The following CNTN4 variants were observed in gnomAD, a reference collection of about 807,000 sequenced individuals.
CNTN4 encodes contactin 4.
In CNTN4, 77 loss-of-function variants were observed where a neutral mutation model predicts 122.5. The observed-to-expected ratio is 0.63, with a 90% CI of 0.52 to 0.76. The LOEUF is 0.76. Among genes scored for constraint, CNTN4 ranks in the 30% least tolerant of loss-of-function variants. The probability of loss-of-function intolerance (pLI) is 0.00; values close to 1 mark genes in which losing one functional copy is unlikely to be tolerated. For missense variants in CNTN4, 1,256 were observed against 1,259.1 expected (o/e 1.00, Z 0.04); for synonymous variants, 512 against 447.0 (o/e 1.15, Z -1.83).
chr3:2,616,304 G>T (rs2081735118), intron 4 of CNTN4, among the ~76,000 whole-genome samples: 1 of 152,116 alleles, frequency 6.6e-6, no homozygotes, highest in Non-Finnish European at 1.5e-5. Flanking sequence ...CTTCATCCAT[G>T]ATCTCATTCC....
chr3:2,609,863 T>G (rs74545362), intron 4 of CNTN4, among the ~76,000 whole-genome samples: 6 of 152,202 alleles, frequency 3.9e-5, no homozygotes, highest in African/African-American at 7.2e-5. Context: ...CAACTTTATA[T>G]GTAGCACTTG....
chr3:2,941,053 T>G (rs1208035535), intron 13 of CNTN4, among the ~76,000 whole-genome samples: 1 of 152,202 alleles, frequency 6.6e-6, no homozygotes, highest in East Asian at 1.9e-4. Flanking sequence ...GCTCTTAATA[T>G]CAGGAAAGAT....
rs181219590 is a variant in CNTN4 at position 2,917,255 on chromosome 3, A to C, written c.1208-8374A>C. ...CAGTGAGCCGAGATGGCAGCAGCAC[A>C]GTCCAGCTTCGGCATCAGAGGGAGA... is the stretch of plus-strand genomic sequence containing the variant. On this transcript the variant is annotated intron_variant, in intron 12 of 24. Transcript: ENST00000418658. Among the ~76,000 whole-genome samples the C allele has an allele frequency of 4.2e-3, 642 of 151,984 alleles. 1 individual carries two copies. The highest frequency in any genetic ancestry group is 7.2e-3 in the Non-Finnish European group (492 of 67,990).
At chr3:2,748,652 C>A (rs1452048775) in intron 6 of CNTN4, among the ~76,000 whole-genome samples, 2 of 152,262 alleles carry the variant, frequency 1.3e-5, no homozygotes, top group African/African-American at 4.8e-5. Flanking sequence ...CCAATTTCAT[C>A]CACGTGTTTT....
At chr3:2,485,796 C>A (rs911970378) in intron 3 of CNTN4, among the ~76,000 whole-genome samples, 3 of 152,088 alleles carry the variant, frequency 2.0e-5, no homozygotes, top group African/African-American at 7.2e-5. Context: ...ACTTGGAGAA[C>A]TTTTGTGTCT....
intron 3 of CNTN4, among the ~76,000 whole-genome samples, chr3:2,488,226 A>G (rs1024622040): frequency 2.0e-5 from 3 of 152,256 alleles, no homozygotes; most frequent in African/African-American, 7.2e-5. Flanking sequence ...GTTTGCTAGG[A>G]AAATGTACAG....
chr3:2,240,338 G>A, intron 2 of CNTN4, among the ~76,000 whole-genome samples: 1 of 152,058 alleles, frequency 6.6e-6, no homozygotes, highest in Non-Finnish European at 1.5e-5. Flanking sequence ...TAAGGGGAAA[G>A]ATCCATTGAA....
At chr3:2,412,702 CT>C (rs966704798) in intron 3 of CNTN4, among the ~76,000 whole-genome samples, 23 of 147,444 alleles carry the variant, frequency 1.6e-4, no homozygotes, top group African/African-American at 4.0e-4. Flanking sequence ...AATAACAGGG[CT>C]TTTTTTTTTC....
chr3:2,953,244 C>G (rs1398909914), intron 13 of CNTN4, among the ~76,000 whole-genome samples: 1 of 152,190 alleles, frequency 6.6e-6, no homozygotes, highest in Non-Finnish European at 1.5e-5. Flanking sequence ...CCAAGCTCCC[C>G]TAACTGGTAG....
intron 3 of CNTN4, among the ~76,000 whole-genome samples, chr3:2,467,961 G>A (rs2075560448): frequency 6.6e-6 from 1 of 152,106 alleles, no homozygotes; most frequent in South Asian, 2.1e-4. Flanking sequence ...CAAACCTGAA[G>A]CCCAAAGAGA....
intron 22 of CNTN4, 72 bp from the exon 23 acceptor site, chr3:3,043,520 G>A (rs1181007772): frequency 1.1e-5 from 13 of 1,178,464 alleles, no homozygotes; most frequent in Non-Finnish European, 1.6e-5. Flanking sequence ...TCGAATTCTA[G>A]TAAGGAGATA....
intron 4 of CNTN4, among the ~76,000 whole-genome samples, chr3:2,696,993 A>G (rs1382470236): frequency 6.6e-6 from 1 of 152,176 alleles, no homozygotes; most frequent in Admixed American, 6.5e-5. Flanking sequence ...AAAAAATAAA[A>G]TTATTCTCCT....
intron 2 of CNTN4, among the ~76,000 whole-genome samples, chr3:2,331,877 A>G (rs2043738795): frequency 1.3e-5 from 2 of 152,184 alleles, no homozygotes; most frequent in Non-Finnish European, 2.9e-5. Context: ...TTTCCTGCCC[A>G]GTCCCCTGCC....
intron 13 of CNTN4, among the ~76,000 whole-genome samples, chr3:2,970,060 C>G (rs2125088907): frequency 6.6e-6 from 1 of 152,212 alleles, no homozygotes; most frequent in Non-Finnish European, 1.5e-5. Flanking sequence ...CCTTAACTAT[C>G]AATAGCATAC....
intron 3 of CNTN4, among the ~76,000 whole-genome samples, chr3:2,418,366 C>T (rs6769342): frequency 0.29 from 43,354 of 152,018 alleles, 6,525 homozygotes; most frequent in Admixed American, 0.38. Flanking sequence ...ACAACCTCTT[C>T]AAAATAATAC....
intron 3 of CNTN4, among the ~76,000 whole-genome samples, chr3:2,420,106 C>A (rs2151099607): frequency 6.6e-6 from 1 of 152,290 alleles, no homozygotes; most frequent in East Asian, 1.9e-4. Context: ...CTCCCTGCAG[C>A]TGGTGCTGTC....
At chr3:2,829,294 G>A (rs1226619586) in intron 7 of CNTN4, among the ~76,000 whole-genome samples, 6 of 152,168 alleles carry the variant, frequency 3.9e-5, no homozygotes, top group Admixed American at 3.9e-4. Flanking sequence ...CAGAAAAAGA[G>A]AGCCACATTG....
Position 2,902,893 on chromosome 3 carries a change from G to A in CNTN4, c.1095G>A (p.Glu365=), listed in dbSNP as rs192903818. 6 of 1,613,490 alleles carry A rather than the reference G, an allele frequency of 3.7e-6. No homozygotes were observed. In the Admixed American group the frequency reaches 8.3e-5, roughly 22 times the overall value. Residue 365 remains glutamate, a synonymous_variant, in exon 12 of 25, where the codon GAG becomes GAA. Transcript: ENST00000418658. ...PLLTRDRIQI[E]QGTLNITIVN... ...TTTCACAGGATAGAATTCAAATTGAGCAAGGAACACTCAACATAACAATAG... is the reference window on the plus strand; with the variant it reads ...TTTCACAGGATAGAATTCAAATTGAACAAGGAACACTCAACATAACAATAG...
chr3:2,155,633 G>A (rs2035685697), intron 2 of CNTN4, among the ~76,000 whole-genome samples: 1 of 152,140 alleles, frequency 6.6e-6, no homozygotes, highest in East Asian at 1.9e-4. Context: ...GATCTGGAAG[G>A]GTCTTGGTGA....
Sources: gnomAD v4.1 joint callset for allele counts (sites outside exome capture counted in the v4.1 genomes callset) on GRCh38, gnomAD v4.1.1 for gene constraint, MANE v1.5 for transcripts, NCBI Gene and HGNC (gene_info 2026-07-23, HGNC 2026-07-21) for gene names.